The following TM4SF5 variants were observed in gnomAD, a reference collection of about 807,000 sequenced individuals.
The protein encoded by TM4SF5 is transmembrane 4 L6 family member 5.
Under a neutral mutation model 22.3 loss-of-function variants are expected in TM4SF5, and 16 were observed. The ratio of observed to expected loss-of-function variants is 0.72; its 90% confidence interval spans 0.49 to 1.09. TM4SF5 has a LOEUF of 1.09. Ranked by LOEUF, TM4SF5 falls within the 50% of genes least tolerant of loss-of-function variation. The pLI is 0.00. For missense variants in TM4SF5, 249 were observed against 266.1 expected (o/e 0.94, Z 0.45); for synonymous variants, 113 against 109.6 (o/e 1.03, Z -0.19).
intron 3 of TM4SF5, 99 bp downstream of exon 3, chr17:4,782,738 G>A: frequency 6.3e-7 from 1 of 1,575,818 alleles, no homozygotes; most frequent in Non-Finnish European, 8.6e-7. Context: ...GACTTCGAGG[G>A]CACTCGCTCC....
At chr17:4,776,921 T>C (rs993448030) in intron 1 of TM4SF5, among the ~76,000 whole-genome samples, 3 of 152,026 alleles carry the variant, frequency 2.0e-5, no homozygotes, top group African/African-American at 7.2e-5. Context: ...CAAACTGAGC[T>C]GGGCGTGGGG....
At chr17:4,778,914 C>T (rs1413064153) in intron 1 of TM4SF5, among the ~76,000 whole-genome samples, 2 of 151,258 alleles carry the variant, frequency 1.3e-5, no homozygotes, top group East Asian at 1.9e-4. Flanking sequence ...AAAATTAGCC[C>T]GGCGTGGTGG....
intron 1 of TM4SF5, among the ~76,000 whole-genome samples, chr17:4,774,054 T>A (rs560747942): frequency 5.3e-5 from 8 of 152,008 alleles, no homozygotes; most frequent in African/African-American, 1.9e-4. Flanking sequence ...CGTCTCTACT[T>A]AAAGAAATAT....
chr17:4,777,745 G>A (rs141879761), intron 1 of TM4SF5, among the ~76,000 whole-genome samples: 93 of 152,048 alleles, frequency 6.1e-4, no homozygotes, highest in South Asian at 3.5e-3. Flanking sequence ...TTAGCAGGGC[G>A]TGGTGGCGCA....
At chr17:4,777,066 G>A (rs1263617955) in intron 1 of TM4SF5, among the ~76,000 whole-genome samples, 3 of 151,904 alleles carry the variant, frequency 2.0e-5, no homozygotes, top group Non-Finnish European at 4.4e-5. Flanking sequence ...GCATGGTGGT[G>A]CATGCCTGTA....
At chr17:4,774,512 A>G (rs1175987795) in intron 1 of TM4SF5, among the ~76,000 whole-genome samples, 1 of 148,794 alleles carries the variant, frequency 6.7e-6, no homozygotes, top group African/African-American at 2.5e-5. Context: ...GCGCCACTGC[A>G]CTCCAGCCTG....
rs999667542 is a variant in TM4SF5 at position 4,778,915 on chromosome 17, G to A, written c.178-1874G>A. Among the ~76,000 whole-genome samples the A allele has an allele frequency of 2.0e-5, 3 of 151,884 alleles. No homozygotes were observed. The East Asian group carries it at 5.8e-4, about 29-fold the overall frequency. ...TACTAAAAATACAAAAAATTAGCCC[G>A]GCGTGGTGGCATGTGCATGTAGTCC... is the stretch of plus-strand genomic sequence containing the variant. On this transcript the variant is annotated intron_variant, in intron 1 of 4. Coordinates refer to ENST00000270560, the MANE Select transcript of TM4SF5 (RefSeq NM_003963.3).
Position 4,782,811 on chromosome 17 carries a change from C to G in TM4SF5, c.396-43C>G, listed in dbSNP as rs370164476. 19 of 1,588,070 alleles carry G rather than the reference C, an allele frequency of 1.2e-5. No individual in the cohort carries two copies. The African/African-American group carries it at 2.3e-4, about 19-fold the overall frequency. ...GTATTCTTGGGGGCGGGGTGGCGCA[C>G]GCGCACGCTGCCTTCTCCCACGTGG... is the stretch of plus-strand genomic sequence containing the variant. On this transcript the variant is annotated intron_variant, in intron 3 of 4. Transcript: ENST00000270560.
chr17:4,777,196 CA>C (rs57674866), intron 1 of TM4SF5, among the ~76,000 whole-genome samples: 10,653 of 101,190 alleles, frequency 0.11, 680 homozygotes, highest in South Asian at 0.37. Context: ...GACTCCATCT[CA>C]AAAAAAAAAA....
intron 1 of TM4SF5, among the ~76,000 whole-genome samples, chr17:4,779,896 C>T (rs1917268634): frequency 6.6e-6 from 1 of 152,022 alleles, no homozygotes; most frequent in Non-Finnish European, 1.5e-5. Context: ...AAAAAAAGAC[C>T]AAGGCTTGAA....
At position 4,783,117 on chromosome 17, in the gene TM4SF5, A is replaced by AC; in HGVS notation, c.584dup (p.Pro196ThrfsTer7). On this transcript the variant is annotated frameshift_variant, in exon 5 of 5. Transcript: ENST00000270560. LOFTEE classifies it high-confidence loss of function. ...TCTCACCTTCTCTTTTCCGCAGGAC[A>AC]CACCTCACTGAGGCTCCACTGACCG... 1 of 1,613,982 alleles carries AC rather than the reference A, an allele frequency of 6.2e-7. No individual in the cohort carries two copies. The highest frequency in any genetic ancestry group is 8.5e-7 in the Non-Finnish European group (1 of 1,179,988).
At chr17:4,772,600 G>A (rs940486995) in intron 1 of TM4SF5, among the ~76,000 whole-genome samples, 6 of 152,186 alleles carry the variant, frequency 3.9e-5, no homozygotes, top group Non-Finnish European at 8.8e-5. Flanking sequence ...GGACTGCTAA[G>A]GATAAACTCA....
intron 1 of TM4SF5, among the ~76,000 whole-genome samples, chr17:4,779,269 A>T (rs572952976): frequency 1.3e-5 from 2 of 151,584 alleles, no homozygotes; most frequent in South Asian, 4.2e-4. Flanking sequence ...TGTCTACAAA[A>T]TTTTTTTTAA....
chr17:4,782,661 T>C, intron 3 of TM4SF5, 22 bp downstream of exon 3: 2 of 1,613,560 alleles, frequency 1.2e-6, no homozygotes, highest in South Asian at 1.1e-5. Flanking sequence ...CCTGTATTCG[T>C]GTCCTCCATT....
chr17:4,781,597 C>A (rs1156408943), intron 2 of TM4SF5, among the ~76,000 whole-genome samples: 2 of 152,114 alleles, frequency 1.3e-5, no homozygotes, highest in Admixed American at 6.6e-5. Flanking sequence ...CTCACTGCAG[C>A]TTCCGCCTCC....
At chr17:4,775,730 C>A (rs969971185) in intron 1 of TM4SF5, among the ~76,000 whole-genome samples, 1 of 152,140 alleles carries the variant, frequency 6.6e-6, no homozygotes, top group Non-Finnish European at 1.5e-5. Flanking sequence ...CCCAGACATG[C>A]TTCTCACCAC....
In TM4SF5 at chr17:4,782,888, C is replaced by G. The variant is rs1186691727; in HGVS notation, c.430C>G (p.Arg144Gly). The change falls in exon 4 of 5, where the codon CGG becomes GGG. Residue 144 changes from arginine to glycine, a missense_variant. Arg to Gly is a moderately radical substitution (Grantham distance 125, BLOSUM62 -2). Coordinates refer to ENST00000270560, the MANE Select transcript of TM4SF5 (RefSeq NM_003963.3). ...CTTGCTCAACCGCACTCTATGGGAT[C>G]GGTGCGAGGCGCCCCCTCGCGTGGT... ...AYLLNRTLWD[R>G]CEAPPRVVPW... The G allele has an allele frequency of 2.5e-6, 4 of 1,614,074 alleles. No homozygotes were observed. Among genetic ancestry groups the G allele is most frequent in the Non-Finnish European group, 3.4e-6 (4 of 1,179,986 alleles).
At chr17:4,780,555 G>T (rs919338778) in intron 1 of TM4SF5, among the ~76,000 whole-genome samples, 1 of 152,132 alleles carries the variant, frequency 6.6e-6, no homozygotes, top group Non-Finnish European at 1.5e-5. Context: ...GGAAAATAAT[G>T]ATATTGGGCC....
At position 4,782,601 on chromosome 17, in the gene TM4SF5, A is replaced by G. The variant is rs1442187009; in HGVS notation, c.357A>G (p.Leu119=). Residue 119 remains leucine (L), a synonymous_variant, in exon 3 of 5, where the codon TTA becomes TTG. Transcript: ENST00000270560. ...GGCTCCGAAATGGACCCAGATGCTT[A>G]ATGAACGGCGAGTGGGGCTACCACT... ...GAGLRNGPRC[L]MNGEWGYHFE... 5 of 1,614,010 alleles carry G rather than the reference A, an allele frequency of 3.1e-6. No individual in the cohort carries two copies. The Admixed American group carries it at 6.7e-5, about 22-fold the overall frequency.
Sources: allele counts gnomAD v4.1 joint callset (sites outside exome capture counted in the v4.1 genomes callset), GRCh38; gene constraint gnomAD v4.1.1; transcripts MANE v1.5; gene names NCBI Gene and HGNC (gene_info 2026-07-23, HGNC 2026-07-21).